ZMAT4: variants seen among roughly 807,000 people sequenced by gnomAD.
ZMAT4 encodes the protein zinc finger matrin-type protein 4.
Under a neutral mutation model 28.7 loss-of-function variants are expected in ZMAT4, and 17 were observed. The ratio of observed to expected loss-of-function variants is 0.59; its 90% CI spans 0.41 to 0.89. The LOEUF (loss-of-function observed/expected upper bound fraction) is 0.89, where lower values mean the gene tolerates loss of function less well. ZMAT4 is among the 40% of genes least tolerant of loss of function. The probability of loss-of-function intolerance (pLI) is 0.00; values close to 1 mark genes in which losing one functional copy is unlikely to be tolerated. For synonymous variants in ZMAT4, 117 were observed against 109.2 expected, an observed-to-expected ratio of 1.07 and a Z score of -0.44; for missense variants, 240 against 283.8, an observed-to-expected ratio of 0.85 and a Z score of 1.11.
intron 2 of ZMAT4, among the ~76,000 whole-genome samples, chr8:40,819,885 T>C (rs1305703766): frequency 2.6e-5 from 4 of 151,960 alleles, no homozygotes. Context: ...ATAGAGAACA[T>C]ATAGCAAATA....
At chr8:40,618,122 G>A (rs1193578745) in intron 5 of ZMAT4, among the ~76,000 whole-genome samples, 3 of 152,164 alleles carry the variant, frequency 2.0e-5, no homozygotes, top group Non-Finnish European at 4.4e-5. Flanking sequence ...CACCACTGGT[G>A]TGCATGTTTT....
intron 5 of ZMAT4, among the ~76,000 whole-genome samples, chr8:40,593,043 G>A (rs1563355685): frequency 6.6e-6 from 1 of 152,128 alleles, no homozygotes; most frequent in Non-Finnish European, 1.5e-5. Flanking sequence ...CAATACATGG[G>A]AGAAATATCT....
intron 5 of ZMAT4, among the ~76,000 whole-genome samples, chr8:40,657,777 G>A (rs966062592): frequency 4.6e-5 from 7 of 152,114 alleles, no homozygotes; most frequent in South Asian, 4.1e-4. Context: ...TAGGGCTTTC[G>A]CTTAAAGTCT....
intron 6 of ZMAT4, among the ~76,000 whole-genome samples, chr8:40,557,047 C>A (rs1231506938): frequency 6.6e-6 from 1 of 152,142 alleles, no homozygotes; most frequent in Non-Finnish European, 1.5e-5. Flanking sequence ...TCCATGAGAT[C>A]AATTTTTTTT....
chr8:40,671,430 T>C (rs941729903), intron 5 of ZMAT4, among the ~76,000 whole-genome samples: 1 of 152,076 alleles, frequency 6.6e-6, no homozygotes, highest in Admixed American at 6.5e-5. Flanking sequence ...CATCAATGAA[T>C]AGAGTGGATA....
chr8:40,550,184 AC>A (rs1354503111), intron 6 of ZMAT4, among the ~76,000 whole-genome samples: 1 of 151,890 alleles, frequency 6.6e-6, no homozygotes, highest in Admixed American at 6.6e-5. Flanking sequence ...TTTAAAGCAG[AC>A]CCCTTCTGGA....
chr8:40,552,384 GC>G (rs1467558803), intron 6 of ZMAT4, among the ~76,000 whole-genome samples: 1 of 152,080 alleles, frequency 6.6e-6, no homozygotes, highest in Non-Finnish European at 1.5e-5. Flanking sequence ...ACCAAATTCT[GC>G]ATCTTTTCCC....
intron 1 of ZMAT4, among the ~76,000 whole-genome samples, chr8:40,843,907 A>G (rs754545564): frequency 2.0e-5 from 3 of 152,228 alleles, no homozygotes; most frequent in Non-Finnish European, 1.5e-5. Flanking sequence ...AAGAAAGTGC[A>G]CACATTTTTA....
chr8:40,583,363 C>A (rs1410595207), intron 5 of ZMAT4, among the ~76,000 whole-genome samples: 6 of 152,138 alleles, frequency 3.9e-5, no homozygotes, highest in Non-Finnish European at 4.4e-5. Context: ...CTGTGTGTAC[C>A]CTGTATGAAA....
intron 5 of ZMAT4, among the ~76,000 whole-genome samples, chr8:40,623,284 G>C (rs765672084): frequency 6.6e-6 from 1 of 152,184 alleles, no homozygotes; most frequent in Non-Finnish European, 1.5e-5. Flanking sequence ...GGATGATGTG[G>C]TGTAGAATAT....
chr8:40,776,816 A>G (rs1422477809), intron 2 of ZMAT4, among the ~76,000 whole-genome samples: 4 of 151,910 alleles, frequency 2.6e-5, no homozygotes, highest in African/African-American at 9.7e-5. Context: ...CTGATGTCTC[A>G]GGTTTCTTCT....
intron 2 of ZMAT4, among the ~76,000 whole-genome samples, chr8:40,801,350 A>AT (rs1554559720): frequency 0.01 from 785 of 77,298 alleles, 9 homozygotes; most frequent in African/African-American, 0.01. Flanking sequence ...TTAAAAAAAA[A>AT]AATATATATA....
At chr8:40,536,390 C>T (rs1016336504) in intron 6 of ZMAT4, among the ~76,000 whole-genome samples, 2 of 152,224 alleles carry the variant, frequency 1.3e-5, no homozygotes, top group Non-Finnish European at 2.9e-5. Flanking sequence ...GCAGTCAGCT[C>T]TGCAGCCTCA....
chr8:40,773,725 G>T (rs978850331), intron 2 of ZMAT4, among the ~76,000 whole-genome samples: 1 of 152,004 alleles, frequency 6.6e-6, no homozygotes, highest in African/African-American at 2.4e-5. Flanking sequence ...AATACAGAAT[G>T]GAAATTCAAA....
chr8:40,877,486 A>G (rs1246470609), intron 1 of ZMAT4, among the ~76,000 whole-genome samples: 2 of 152,166 alleles, frequency 1.3e-5, no homozygotes, highest in Non-Finnish European at 1.5e-5. Context: ...TGCCCTCTGA[A>G]GACAGGAGCT....
chr8:40,551,012 C>G (rs1368810629), intron 6 of ZMAT4, among the ~76,000 whole-genome samples: 1 of 152,044 alleles, frequency 6.6e-6, no homozygotes, highest in Non-Finnish European at 1.5e-5. Flanking sequence ...CTACTATATC[C>G]CACCTGAAAT....
At chr8:40,659,576 T>C (rs915499351) in intron 5 of ZMAT4, among the ~76,000 whole-genome samples, 1 of 152,162 alleles carries the variant, frequency 6.6e-6, no homozygotes, top group Non-Finnish European at 1.5e-5. Flanking sequence ...CAGTGCATCA[T>C]TAAACATAAG....
chr8:40,722,112 G>A (rs1401624239), intron 3 of ZMAT4, among the ~76,000 whole-genome samples: 1 of 151,922 alleles, frequency 6.6e-6, no homozygotes, highest in African/African-American at 2.4e-5. Context: ...ACATAGGCAT[G>A]GGCAAGGACT....
chr8:40,532,429 A>G (rs1428236493), intron 6 of ZMAT4, among the ~76,000 whole-genome samples, 191 bp from the exon 7 acceptor site: 1 of 151,632 alleles, frequency 6.6e-6, no homozygotes, highest in South Asian at 2.1e-4. Flanking sequence ...TATCTCCATT[A>G]CTAATGCCAT....
Sources: gnomAD v4.1 joint callset for allele counts (sites outside exome capture counted in the v4.1 genomes callset) on GRCh38, gnomAD v4.1.1 for gene constraint, MANE v1.5 for transcripts, NCBI Gene and HGNC (gene_info 2026-07-23, HGNC 2026-07-21) for gene names.